Variants in BAALC observed in about 807,000 individuals in gnomAD.
BAALC encodes BAALC binder of MAP3K1 and KLF4.
BAALC carries 9 observed loss-of-function variants against 15.5 expected under a neutral mutation model. The observed-to-expected ratio is 0.58, with a 90% CI of 0.35 to 1.02. The LOEUF (loss-of-function observed/expected upper bound fraction) is 1.02, where lower values mean the gene tolerates loss of function less well. BAALC is among the 50% of genes least tolerant of loss of function. The pLI, the probability that BAALC is intolerant of heterozygous loss-of-function variation, is 0.02. For synonymous variants in BAALC, 80 were observed against 74.6 expected (o/e 1.07, Z -0.37); for missense variants, 201 against 192.4 (o/e 1.04, Z -0.27).
intron 1 of BAALC, among the ~76,000 whole-genome samples, chr8:103,203,574 A>G (rs548501633): frequency 2.6e-5 from 4 of 152,182 alleles, no homozygotes; most frequent in Non-Finnish European, 5.9e-5. Context: ...GAACTTATTA[A>G]CAGTCACTGT....
At chr8:103,194,745 A>G (rs1292302580) in intron 1 of BAALC, among the ~76,000 whole-genome samples, 2 of 152,216 alleles carry the variant, frequency 1.3e-5, no homozygotes, top group Non-Finnish European at 2.9e-5. Flanking sequence ...CCCATTCCTC[A>G]TAGACGGTGC....
Position 103,224,893 on chromosome 8 carries a change from G to T in BAALC, c.328-3096G>T, listed in dbSNP as rs545736884. Among the ~76,000 whole-genome samples, 134 of 152,296 alleles carry T rather than the reference G, an allele frequency of 8.8e-4. 6 individuals are homozygous for T. The South Asian group carries it at 0.028, about 31-fold the overall frequency. On this transcript the variant is annotated intron_variant, in intron 2 of 2. Coordinates refer to ENST00000309982, the MANE Select transcript of BAALC (RefSeq NM_024812.3). ...AAAACCCATCTGATGAGAATTTATG[G>T]TTTGTAGGGCATGACTCCCCAGACC...
chr8:103,158,756 A>G (rs989873370), intron 1 of BAALC, among the ~76,000 whole-genome samples: 6 of 152,206 alleles, frequency 3.9e-5, no homozygotes, highest in Non-Finnish European at 5.9e-5. Context: ...ATATTTCATC[A>G]TGCTACTCAG....
chr8:103,183,784 A>G (rs1292303765), intron 1 of BAALC, among the ~76,000 whole-genome samples: 1 of 152,174 alleles, frequency 6.6e-6, no homozygotes, highest in African/African-American at 2.4e-5. Flanking sequence ...TCACTGGAAT[A>G]CCTAAGTTTA....
intron 1 of BAALC, among the ~76,000 whole-genome samples, chr8:103,188,320 C>G (rs1001846483): frequency 1.3e-5 from 2 of 152,162 alleles, no homozygotes; most frequent in African/African-American, 2.4e-5. Context: ...CCATGCGATG[C>G]CCCTGAACCA....
chr8:103,170,285 T>C (rs1229415083), intron 1 of BAALC, among the ~76,000 whole-genome samples: 2 of 151,968 alleles, frequency 1.3e-5, no homozygotes, highest in South Asian at 2.1e-4. Flanking sequence ...ATGGACTTCA[T>C]GGTTCTGTTG....
rs1810751103 is a variant in BAALC, at chr8:103,140,840, G to C, written c.-58G>C. 1.4e-6 allele frequency: 2 copies of C among 1,391,214 alleles called. No individual in the cohort carries two copies. The highest frequency in any genetic ancestry group is 1.9e-6 in the Non-Finnish European group (2 of 1,072,038). The allele number at this position is 1,391,214 out of a possible 1,614,324, so 86.2% of individuals were successfully genotyped here. On this transcript the variant is annotated 5_prime_UTR_variant, in exon 1 of 3. An upstream open reading frame in the 5' UTR loses its in-frame stop. Coordinates refer to ENST00000309982, the MANE Select transcript of BAALC (RefSeq NM_024812.3). This position sits in a 1 kb window ranked among gnomAD's most constrained non-coding sequence, Gnocchi z 4.2. ...GGGCCGGGGCTGCGCCTCCGGGGCT[G>C]AGCCGCCGCCAGAGCCGACAGCCGA...
rs1270371986 is a variant in BAALC, at chr8:103,146,408, C to T, written c.160+5351C>T. ...TCCACCCACACCCCAGCTGCCTTGA[C>T]TTACCTGTTACCGCTTGTGGTTCTA... is the stretch of plus-strand genomic sequence containing the variant. On this transcript the variant is annotated intron_variant, in intron 1 of 2. Transcript: ENST00000309982. Among the ~76,000 whole-genome samples the T allele has an allele frequency of 2.0e-5, 3 of 152,210 alleles. No individual in the cohort carries two copies. The East Asian group carries it at 5.8e-4, about 29-fold the overall frequency.
intron 1 of BAALC, among the ~76,000 whole-genome samples, chr8:103,169,841 A>T (rs1404020429): frequency 6.6e-6 from 1 of 152,190 alleles, no homozygotes; most frequent in African/African-American, 2.4e-5. Flanking sequence ...AGGGGCACTC[A>T]TTCAGATTTG....
chr8:103,224,167 A>T (rs1222142579), intron 2 of BAALC, among the ~76,000 whole-genome samples: 1 of 151,884 alleles, frequency 6.6e-6, no homozygotes, highest in Non-Finnish European at 1.5e-5. Flanking sequence ...TCCAATGTGA[A>T]CTCAGAAAAT....
intron 1 of BAALC, among the ~76,000 whole-genome samples, chr8:103,167,063 C>A (rs1811366050): frequency 1.3e-5 from 2 of 152,146 alleles, no homozygotes; most frequent in Admixed American, 1.3e-4. Context: ...TAAATGGTCC[C>A]ATGAGTATTT....
At chr8:103,156,003 C>G (rs1270616541) in intron 1 of BAALC, among the ~76,000 whole-genome samples, 4 of 152,180 alleles carry the variant, frequency 2.6e-5, no homozygotes, top group Non-Finnish European at 4.4e-5. Context: ...TTTGCAACTA[C>G]TCAACTTCTC....
intron 2 of BAALC, chr8:103,215,112 G>A (rs1304234977): frequency 2.0e-5 from 3 of 152,224 alleles, no homozygotes; most frequent in Admixed American, 6.5e-5. Context: ...TTTGCCTGGT[G>A]GATGGCATGA....
At chr8:103,209,318 G>T (rs1265311154) in intron 1 of BAALC, among the ~76,000 whole-genome samples, 1 of 152,098 alleles carries the variant, frequency 6.6e-6, no homozygotes, top group Non-Finnish European at 1.5e-5. Flanking sequence ...GCTGCAGTGA[G>T]TTGAGATCAT....
intron 2 of BAALC, among the ~76,000 whole-genome samples, chr8:103,223,597 T>G (rs917489984): frequency 2.6e-5 from 4 of 152,018 alleles, no homozygotes; most frequent in African/African-American, 9.7e-5. Flanking sequence ...ATATACAGAT[T>G]TAAGAAATGA....
chr8:103,158,709 C>T (rs1017357217), intron 1 of BAALC, among the ~76,000 whole-genome samples: 7 of 152,052 alleles, frequency 4.6e-5, no homozygotes, highest in Admixed American at 2.6e-4. Flanking sequence ...TACATACATA[C>T]ATACACATCC....
chr8:103,160,524 T>C (rs947722785), intron 1 of BAALC, among the ~76,000 whole-genome samples: 1 of 152,196 alleles, frequency 6.6e-6, no homozygotes, highest in African/African-American at 2.4e-5. Context: ...TTAGGGTATA[T>C]CCCAATAGGG....
intron 1 of BAALC, among the ~76,000 whole-genome samples, chr8:103,176,625 A>G (rs1172722476): frequency 6.6e-6 from 1 of 152,128 alleles, no homozygotes; most frequent in Non-Finnish European, 1.5e-5. Flanking sequence ...ACCATGCGCC[A>G]GGGGAATTGT....
intron 1 of BAALC, among the ~76,000 whole-genome samples, chr8:103,173,803 A>G (rs1811549213): frequency 6.6e-6 from 1 of 152,222 alleles, no homozygotes; most frequent in African/African-American, 2.4e-5. Context: ...ACTCAACTTA[A>G]ACCTTGACAA....
Sources: gnomAD v4.1 joint callset for allele counts (sites outside exome capture counted in the v4.1 genomes callset) on GRCh38, gnomAD v4.1.1 for gene constraint, Gnocchi (gnomAD v3.1) non-coding constraint, MANE v1.5 for transcripts, NCBI Gene and HGNC (gene_info 2026-07-23, HGNC 2026-07-21) for gene names.